The following ZNF235 variants were observed in gnomAD, a reference collection of about 807,000 sequenced individuals.
The protein encoded by ZNF235 is zinc finger protein 235.
Under a neutral mutation model 29.4 loss-of-function variants are expected in ZNF235, and 25 were observed. The ratio of observed to expected loss-of-function variants is 0.85; its 90% CI spans 0.62 to 1.19. The LOEUF (loss-of-function observed/expected upper bound fraction) is 1.19, where lower values mean the gene tolerates loss of function less well. Among genes scored for constraint, ZNF235 ranks in the 50% most tolerant of loss-of-function variants. The probability of loss-of-function intolerance (pLI) is 0.00; values close to 1 mark genes in which losing one functional copy is unlikely to be tolerated. For missense variants in ZNF235, 788 were observed against 885.0 expected, an observed-to-expected ratio of 0.89 and a Z score of 1.39; for synonymous variants, 300 against 295.3, an observed-to-expected ratio of 1.02 and a Z score of -0.16.
In ZNF235 at chr19:44,287,004, C is replaced by T. The variant is rs987841430; in HGVS notation, c.*214G>A. On this transcript the variant is annotated 3_prime_UTR_variant, in exon 5 of 5. Transcript: ENST00000291182. ...CTGATATAAACACTGATCATATTTA[C>T]AGAACAAAGTTTTCTCGCATCTGTG... The T allele has an allele frequency of 1.2e-5, 6 of 517,664 alleles. No individual in the cohort carries two copies. The highest frequency in any genetic ancestry group is 2.0e-5 in the Non-Finnish European group (6 of 300,168). 32.1% of individuals were successfully genotyped at this position (517,664 alleles called of 1,614,324 possible). A position where few individuals can be genotyped will look rare whatever the true frequency, so the allele number is the denominator to read the frequency against.
At chr19:44,300,861 G>T (rs1975727691) in intron 2 of ZNF235, among the ~76,000 whole-genome samples, 1 of 144,296 alleles carries the variant, frequency 6.9e-6, no homozygotes, top group Non-Finnish European at 1.5e-5. Flanking sequence ...AAAAAAAAAG[G>T]TAAGTTCCAA....
intron 4 of ZNF235, among the ~76,000 whole-genome samples, chr19:44,295,018 C>A (rs1479214277): frequency 6.6e-6 from 1 of 152,076 alleles, no homozygotes; most frequent in Admixed American, 6.6e-5. Flanking sequence ...CCCCTAAGAA[C>A]TGGAATAAAA....
At chr19:44,295,579 T>C (rs1281831630) in intron 4 of ZNF235, among the ~76,000 whole-genome samples, 1 of 152,052 alleles carries the variant, frequency 6.6e-6, no homozygotes, top group African/African-American at 2.4e-5. Flanking sequence ...TTTTGCAGAA[T>C]GAGGAAAAAC....
chr19:44,304,021 ATTACC>A (rs1252671051), intron 1 of ZNF235, among the ~76,000 whole-genome samples: 34 of 152,198 alleles, frequency 2.2e-4, no homozygotes, highest in African/African-American at 8.0e-4. Flanking sequence ...GTGAGTTACC[ATTACC>A]CTCAGAAAAG....
In ZNF235 at chr19:44,302,019, A is replaced by G. The variant is rs531591412; in HGVS notation, c.15+1371T>C. 7.2e-5 allele frequency among the ~76,000 whole-genome samples: 11 copies of G among 152,344 alleles called. No homozygotes were observed. In the South Asian group the frequency reaches 2.1e-3, roughly 29 times the overall value. On this transcript the variant is annotated intron_variant, in intron 2 of 4. Transcript: ENST00000291182. Reference sequence around the variant, plus strand: ...AATAACATGTTAATGAATAAAACAGATACTTAACTATAATACAAGGTTTTA... The same window carrying G: ...AATAACATGTTAATGAATAAAACAGGTACTTAACTATAATACAAGGTTTTA...
chr19:44,304,552 T>G (rs550952213), intron 1 of ZNF235: 1 of 263,976 alleles, frequency 3.8e-6, no homozygotes, highest in Admixed American at 6.5e-5. Flanking sequence ...TATAACAGAA[T>G]TAACGGTGGC....
rs375449680 is a variant in ZNF235 at position 44,289,170 on chromosome 19, T to C, written c.265A>G (p.Thr89Ala). Residue 89 changes from threonine to alanine, a missense_variant, in exon 5 of 5, where the codon ACT (threonine) becomes GCT (alanine). Physicochemically the swap from Thr to Ala is moderately conservative, Grantham distance 58. Coordinates refer to ENST00000291182, the MANE Select transcript of ZNF235 (RefSeq NM_004234.4). ...CACCTTAATCCTGCTTTGTGAAGAG[T>C]TGCCATCTCATTTTGATTCCTGTCT... Reference protein sequence around the residue: ...SGDRNQNEMATLHKAGLRCFS... With the variant: ...SGDRNQNEMAALHKAGLRCFS... The C allele has an allele frequency of 2.8e-5, 45 of 1,612,708 alleles. 1 individual carries two copies. In the South Asian group the frequency reaches 3.0e-4, roughly 11 times the overall value.
rs58587858 is a variant in ZNF235 at position 44,293,837 on chromosome 19, C to T, written c.239-4641G>A. Among the ~76,000 whole-genome samples the T allele has an allele frequency of 2.0e-3, 307 of 151,036 alleles. 1 individual carries two copies. The highest frequency in any genetic ancestry group is 7.1e-3 in the African/African-American group (292 of 41,210). ...AACAATCTTTGGGTTAATGACAAGA[C>T]AAATTTTAAAATTTCTTGAAATGAA... On this transcript the variant is annotated intron_variant, in intron 4 of 4. Transcript: ENST00000291182.
At position 44,288,481 on chromosome 19, in the gene ZNF235, G is replaced by A. The variant is rs1023932932; in HGVS notation, c.954C>T (p.Arg318=). 6.2e-7 allele frequency: 1 copy of A among 1,614,194 alleles called. No homozygotes were observed. The highest frequency in any genetic ancestry group is 8.5e-7 in the Non-Finnish European group (1 of 1,180,030). Residue 318 remains arginine, a synonymous_variant, in exon 5 of 5, where the codon CGC becomes CGT. Transcript: ENST00000291182. ...CTTTACCACATTCATGACACCAATA[G>A]CGTTTTTTCCCAGTACGAACACTTT... is the stretch of plus-strand genomic sequence containing the variant. ...VQQSVRTGKK[R]YWCHECGKGF...
chr19:44,294,587 T>TA (rs1457970665), intron 4 of ZNF235, among the ~76,000 whole-genome samples: 2 of 152,112 alleles, frequency 1.3e-5, no homozygotes, highest in Admixed American at 6.5e-5. Flanking sequence ...CTTGCTCTGA[T>TA]ACCAAAGTCA....
chr19:44,287,889 G>A lies in ZNF235; in HGVS notation c.1546C>T (p.Arg516Ter), dbSNP rs764109692. ...AAGCCTTTCCCACACACGTTGCATC[G>A]AAATGGTTTCTCTCCTGTATGGACC... ...QRVHTGEKPF[R>*]CNVCGKGFSQ... Residue 516 changes from arginine to a stop codon, truncating the protein, a stop_gained, in exon 5 of 5, where the codon CGA becomes TGA. Coordinates refer to ENST00000291182, the MANE Select transcript of ZNF235 (RefSeq NM_004234.4). LOFTEE classifies it high-confidence loss of function. 86 of 1,610,424 alleles carry A rather than the reference G, an allele frequency of 5.3e-5. No homozygotes were observed. The highest frequency in any genetic ancestry group is 6.4e-5 in the Non-Finnish European group (75 of 1,179,008).
chr19:44,299,185 C>A (rs983593964), intron 3 of ZNF235, among the ~76,000 whole-genome samples: 7 of 152,148 alleles, frequency 4.6e-5, no homozygotes, highest in African/African-American at 1.4e-4. Flanking sequence ...CCACAATGTG[C>A]ACCATTCTGG....
In ZNF235 at chr19:44,287,771, C is replaced by T. The variant is rs1162459046; in HGVS notation, c.1664G>A (p.Ser555Asn). Reference sequence around the variant, plus strand: ...TCTCTGATGATTGTGAAGATTCAAGCTCCAATTGAAGCGCTTCCCACACAC... The same window carrying T: ...TCTCTGATGATTGTGAAGATTCAAGTTCCAATTGAAGCGCTTCCCACACAC... ...CEVCGKRFNW[S>N]LNLHNHQRVH... Residue 555 changes from serine to asparagine, a missense_variant, in exon 5 of 5, where the codon AGC becomes AAC. Ser to Asn is a conservative substitution (Grantham distance 46). Coordinates refer to ENST00000291182, the MANE Select transcript of ZNF235 (RefSeq NM_004234.4). 2.5e-6 allele frequency: 4 copies of T among 1,613,974 alleles called. No homozygotes were observed. Among genetic ancestry groups the T allele is most frequent in the Non-Finnish European group, 3.4e-6 (4 of 1,179,978 alleles).
intron 4 of ZNF235, among the ~76,000 whole-genome samples, chr19:44,293,094 G>A (rs990804937): frequency 3.3e-5 from 5 of 152,016 alleles, no homozygotes; most frequent in Non-Finnish European, 7.4e-5. Flanking sequence ...GAAAACAAAA[G>A]GTTGATACTT....
intron 2 of ZNF235, among the ~76,000 whole-genome samples, chr19:44,302,436 G>C (rs1397794559): frequency 6.6e-6 from 1 of 152,094 alleles, no homozygotes; most frequent in Non-Finnish European, 1.5e-5. Context: ...TATATGTTGA[G>C]TGCAAATGAA....
rs1395272384 is a variant in ZNF235, at chr19:44,288,845, C to T, written c.590G>A (p.Ser197Asn). 6.2e-7 allele frequency: 1 copy of T among 1,613,474 alleles called. No homozygotes were observed. The highest frequency in any genetic ancestry group is 1.1e-5 in the South Asian group (1 of 90,944). ...YLNETQNYQR[S>N]CKQTQMKNKL... ...GTTTTTCATCTGAGTCTGCTTACAA[C>T]TTCTCTGATAATTCTGTGTCTCATT... The change falls in exon 5 of 5, where the codon AGT (serine) becomes AAT (asparagine). Residue 197 changes from serine (S) to asparagine (N), a missense_variant. Transcript: ENST00000291182.
Position 44,287,225 on chromosome 19 carries a change from T to C in ZNF235, c.2210A>G (p.Asn737Ser). The stretch of plus-strand genomic sequence containing the variant: ...GAACCACACCTCTCATTTCTACAGA[T>C]TCCCTCCAGTGTGGACTCTCTGATG... ...IYHQRVHTGG[N>S]L Residue 737 changes from asparagine to serine, a missense_variant, in exon 5 of 5, where the codon AAT (asparagine) becomes AGT (serine). By Grantham distance (46) the Asn-to-Ser change is conservative (BLOSUM62 1). Coordinates refer to ENST00000291182, the MANE Select transcript of ZNF235 (RefSeq NM_004234.4). 1.3e-6 allele frequency: 2 copies of C among 1,591,144 alleles called. No homozygotes were observed. The highest frequency in any genetic ancestry group is 8.6e-7 in the Non-Finnish European group (1 of 1,166,922).
At chr19:44,295,128 A>G (rs1374955501) in intron 4 of ZNF235, among the ~76,000 whole-genome samples, 8 of 152,176 alleles carry the variant, frequency 5.3e-5, no homozygotes, top group Admixed American at 5.2e-4. Context: ...TCTAAATTGG[A>G]AAAGAGTAAG....
At chr19:44,294,137 GAA>G (rs1427060291) in intron 4 of ZNF235, among the ~76,000 whole-genome samples, 6 of 151,876 alleles carry the variant, frequency 4.0e-5, no homozygotes, top group Admixed American at 6.6e-5. Context: ...TTTTATCTCT[GAA>G]AAGATAAAAT....
Sources: allele counts gnomAD v4.1 joint callset (sites outside exome capture counted in the v4.1 genomes callset), GRCh38; gene constraint gnomAD v4.1.1; transcripts MANE v1.5; gene names NCBI Gene and HGNC (gene_info 2026-07-23, HGNC 2026-07-21).